Variants in MAGI3 observed in about 807,000 individuals in gnomAD.
MAGI3 encodes the protein membrane-associated guanylate kinase, WW and PDZ domain-containing protein 3.
Under a neutral mutation model 121.8 loss-of-function variants are expected in MAGI3, and 43 were observed. That is an observed-to-expected ratio of 0.35 (90% confidence interval 0.28 to 0.46). MAGI3 has a LOEUF of 0.46. Among genes scored for constraint, MAGI3 ranks in the 20% least tolerant of loss-of-function variants. The pLI is 1.00. For missense variants in MAGI3, 1,547 were observed against 1,797.3 expected (o/e 0.86, Z 2.52); for synonymous variants, 553 against 639.3 (o/e 0.86, Z 2.04).
At chr1:113,405,474 C>CAAAAAAAAAAAAAAAAAAAAA (rs5777158) in intron 1 of MAGI3, among the ~76,000 whole-genome samples, 1 of 54,350 alleles carries the variant, frequency 1.8e-5, no homozygotes, top group Non-Finnish European at 3.1e-5. Context: ...GAAACTGTCT[C>CAAAAAAAAAAAAAAAAAAAAA]AAAAAAAAAA....
In MAGI3 at chr1:113,625,649, A is replaced by G. The variant is rs546730672; in HGVS notation, c.1360+2655A>G. Among the ~76,000 whole-genome samples, 6 of 152,270 alleles carry G rather than the reference A, an allele frequency of 3.9e-5. No individual in the cohort carries two copies. In the East Asian group the frequency reaches 1.2e-3, roughly 29 times the overall value. ...ATCCCATCATCTGCAAACAAGGATA[A>G]TTTGACTTCTCCCTTTCCAATTTGT... On this transcript the variant is annotated intron_variant, in intron 9 of 20. Transcript: ENST00000307546.
chr1:113,478,211 C>A (rs950681555), intron 1 of MAGI3, among the ~76,000 whole-genome samples: 1 of 152,160 alleles, frequency 6.6e-6, no homozygotes, highest in African/African-American at 2.4e-5. Context: ...TATTACCGAC[C>A]TTCTGAAGCC....
At chr1:113,611,368 G>A (rs544269457) in intron 6 of MAGI3, among the ~76,000 whole-genome samples, 40 of 152,074 alleles carry the variant, frequency 2.6e-4, no homozygotes, top group Non-Finnish European at 3.8e-4. Flanking sequence ...GATTACAGGC[G>A]TGAGTCACCG....
chr1:113,580,683 C>A, intron 3 of MAGI3, 22 bp downstream of exon 3: 1 of 1,574,794 alleles, frequency 6.4e-7, no homozygotes, highest in Admixed American at 1.8e-5. Flanking sequence ...AATAACATCA[C>A]TACCACCCAA....
chr1:113,564,524 A>G (rs1314317470), intron 2 of MAGI3, among the ~76,000 whole-genome samples: 1 of 152,162 alleles, frequency 6.6e-6, no homozygotes, highest in Non-Finnish European at 1.5e-5. Context: ...AGATTTTGTT[A>G]CTATTTTTCA....
chr1:113,603,080 A>T (rs190697018), intron 6 of MAGI3, among the ~76,000 whole-genome samples: 3 of 152,256 alleles, frequency 2.0e-5, no homozygotes, highest in Admixed American at 2.0e-4. Flanking sequence ...CAAGAAGAGA[A>T]AAAATTCAAA....
chr1:113,657,957 G>T (rs2100995431), intron 15 of MAGI3, among the ~76,000 whole-genome samples: 1 of 152,270 alleles, frequency 6.6e-6, no homozygotes, highest in South Asian at 2.1e-4. Flanking sequence ...TACTCCAAAT[G>T]AAGGTCTATT....
intron 1 of MAGI3, among the ~76,000 whole-genome samples, chr1:113,451,244 T>C (rs1262967205): frequency 1.3e-5 from 2 of 152,228 alleles, no homozygotes. Flanking sequence ...ATAAACTTTC[T>C]ATAAGGCTTA....
chr1:113,677,674 TA>T (rs1450714149), intron 19 of MAGI3, among the ~76,000 whole-genome samples: 2 of 152,322 alleles, frequency 1.3e-5, no homozygotes, highest in East Asian at 3.9e-4. Flanking sequence ...GTGATTTGTT[TA>T]AAAAAGGGAA....
intron 1 of MAGI3, among the ~76,000 whole-genome samples, chr1:113,448,360 CACTGAGGCT>C (rs1654289242): frequency 6.6e-6 from 1 of 152,208 alleles, no homozygotes; most frequent in Admixed American, 6.5e-5. Context: ...ATCCTTTCTT[CACTGAGGCT>C]ACTGTTTGGG....
chr1:113,505,119 G>A (rs374919335), intron 1 of MAGI3, among the ~76,000 whole-genome samples: 19 of 152,034 alleles, frequency 1.2e-4, no homozygotes, highest in Admixed American at 1.0e-3. Context: ...TAATACAACA[G>A]GAGTAGGAAG....
intron 16 of MAGI3, among the ~76,000 whole-genome samples, chr1:113,660,368 A>G (rs1190095978): frequency 1.3e-5 from 2 of 152,068 alleles, no homozygotes; most frequent in Non-Finnish European, 2.9e-5. Flanking sequence ...CTCTCTGCCC[A>G]GAAAGTGTTC....
intron 1 of MAGI3, among the ~76,000 whole-genome samples, chr1:113,543,866 TAA>T (rs5777160): frequency 3.3e-3 from 448 of 136,844 alleles, no homozygotes; most frequent in Middle Eastern, 0.011. Flanking sequence ...AGACCCCATC[TAA>T]AAAAAAAAAA....
chr1:113,664,388 A>G (rs1181813395), intron 16 of MAGI3, among the ~76,000 whole-genome samples: 11 of 152,230 alleles, frequency 7.2e-5, no homozygotes, highest in Admixed American at 7.2e-4. Flanking sequence ...ACAACACTAC[A>G]GTATTACAAA....
At chr1:113,682,408 C>T (rs1256365571) in intron 20 of MAGI3, 1 of 1,416,698 alleles carries the variant, frequency 7.1e-7, no homozygotes, top group African/African-American at 1.5e-5. Flanking sequence ...TTTCAGTCTT[C>T]TTTTGACATT....
At chr1:113,609,789 A>C (rs920362224) in intron 6 of MAGI3, among the ~76,000 whole-genome samples, 5 of 152,184 alleles carry the variant, frequency 3.3e-5, no homozygotes, top group African/African-American at 1.2e-4. Context: ...GATATGCCCA[A>C]AATAGTTTTG....
rs1648503316 is a variant in MAGI3, at chr1:113,685,642, T to C, written c.*1628T>C. ...TTAGTACCACAGAAATTATTTATTA[T>C]TTTCCCTGTAGTCCACAATTAGTGA... On this transcript the variant is annotated 3_prime_UTR_variant, in exon 21 of 21. Transcript: ENST00000307546. The C allele has an allele frequency of 1.3e-5, 2 of 152,350 alleles. No individual in the cohort carries two copies. The highest frequency in any genetic ancestry group is 2.1e-4 in the South Asian group (1 of 4,834). The allele number at this position is 152,350 out of a possible 1,614,324, so 9.4% of individuals were successfully genotyped here. A position where few individuals can be genotyped will look rare whatever the true frequency, so the allele number is the denominator to read the frequency against.
At chr1:113,604,184 TA>T (rs1302979637) in intron 6 of MAGI3, among the ~76,000 whole-genome samples, 2 of 152,224 alleles carry the variant, frequency 1.3e-5, no homozygotes, top group Non-Finnish European at 2.9e-5. Context: ...CCTGCTTATG[TA>T]TGTCTATCAT....
intron 1 of MAGI3, among the ~76,000 whole-genome samples, chr1:113,459,123 C>T (rs1260066552): frequency 6.6e-6 from 1 of 152,060 alleles, no homozygotes; most frequent in Admixed American, 6.6e-5. Context: ...TTTATCATTA[C>T]TTCTGGTTTT....
Sources: allele counts gnomAD v4.1 joint callset (sites outside exome capture counted in the v4.1 genomes callset), GRCh38; gene constraint gnomAD v4.1.1; transcripts MANE v1.5; gene names NCBI Gene and HGNC (gene_info 2026-07-23, HGNC 2026-07-21).